SLC1A7: variants seen among roughly 807,000 people sequenced by gnomAD.
SLC1A7 encodes solute carrier family 1 member 7.
A neutral mutation model predicts 47.7 loss-of-function variants in SLC1A7; 40 were observed. That is an observed-to-expected ratio of 0.84 (90% confidence interval 0.65 to 1.09). SLC1A7 has a LOEUF of 1.09. Ranked by LOEUF, SLC1A7 falls within the 50% of genes least tolerant of loss-of-function variation. The pLI, the probability that SLC1A7 is intolerant of heterozygous loss-of-function variation, is 0.00. For synonymous variants in SLC1A7, 323 were observed against 325.6 expected (o/e 0.99, Z 0.09); for missense variants, 746 against 769.5 (o/e 0.97, Z 0.36).
intron 2 of SLC1A7, among the ~76,000 whole-genome samples, chr1:53,127,708 G>A (rs1029611733): frequency 6.6e-6 from 1 of 152,230 alleles, no homozygotes. Flanking sequence ...ACAGTGCTAT[G>A]CTGTGAGCTG....
At chr1:53,095,710 G>C (rs1208738247) in intron 5 of SLC1A7, among the ~76,000 whole-genome samples, 1 of 143,720 alleles carries the variant, frequency 7.0e-6, no homozygotes, top group Non-Finnish European at 1.5e-5. Context: ...CCCTGCCTCG[G>C]TACACACACA....
chr1:53,125,768 C>A (rs745768070), intron 2 of SLC1A7, among the ~76,000 whole-genome samples: 4 of 152,192 alleles, frequency 2.6e-5, no homozygotes, highest in Non-Finnish European at 4.4e-5. Context: ...GCGTGCGGGA[C>A]CTGCGTTCCA....
rs554610153 is a variant in SLC1A7, at chr1:53,118,787, C to G, written c.216-3814G>C. Reference sequence around the variant, plus strand: ...CTGAGACAGGTGGATCACCTGAGGTCAGGAGTTCGAGACCAGCCTGACCAA... The same window carrying G: ...CTGAGACAGGTGGATCACCTGAGGTGAGGAGTTCGAGACCAGCCTGACCAA... On this transcript the variant is annotated intron_variant, in intron 2 of 10. Coordinates refer to ENST00000371494, the MANE Select transcript of SLC1A7 (RefSeq NM_006671.6). Among the ~76,000 whole-genome samples the G allele has an allele frequency of 2.4e-4, 37 of 152,268 alleles. No homozygotes were observed. In the South Asian group the frequency reaches 7.7e-3, roughly 32 times the overall value.
Position 53,136,428 on chromosome 1 carries a change from G to T in SLC1A7, c.136-1999C>A, listed in dbSNP as rs1272547191. 8.1e-5 allele frequency among the ~76,000 whole-genome samples: 12 copies of T among 147,270 alleles called. No homozygotes were observed. In the Admixed American group the frequency reaches 8.2e-4, roughly 10 times the overall value. On this transcript the variant is annotated intron_variant, in intron 1 of 10. Transcript: ENST00000371494. The stretch of plus-strand genomic sequence containing the variant: ...AGGATGGTCTTAATCTCCTGACCTT[G>T]TTGATCCGCCCGCCTCGGCCTCCCA...
chr1:53,096,249 C>G (rs1644488962), intron 5 of SLC1A7, among the ~76,000 whole-genome samples: 1 of 147,012 alleles, frequency 6.8e-6, no homozygotes, highest in Admixed American at 6.8e-5. Flanking sequence ...TTGGTACACT[C>G]AAACCATGCA....
chr1:53,140,128 A>C (rs1427918960), intron 1 of SLC1A7, among the ~76,000 whole-genome samples: 1 of 152,224 alleles, frequency 6.6e-6, no homozygotes, highest in Non-Finnish European at 1.5e-5. Context: ...TCAAAGTAAG[A>C]TGCTGAGAAA....
chr1:53,135,941 C>T (rs572629802), intron 1 of SLC1A7, among the ~76,000 whole-genome samples: 1 of 151,878 alleles, frequency 6.6e-6, no homozygotes, highest in South Asian at 2.1e-4. Flanking sequence ...TTAAAAATCT[C>T]CAAATCATCA....
At chr1:53,112,985 C>T (rs1006751525) in intron 3 of SLC1A7, among the ~76,000 whole-genome samples, 1 of 151,946 alleles carries the variant, frequency 6.6e-6, no homozygotes, top group East Asian at 1.9e-4. Flanking sequence ...CCCACTCCCT[C>T]ACCTCTCACC....
At position 53,093,544 on chromosome 1, in the gene SLC1A7, G is replaced by T; in HGVS notation, c.714C>A (p.Arg238=). The part of the protein sequence containing the change: ...FSATMGIMLG[R]MGDSGAPLVS... ...CCAGGGGGGCCCCGCTGTCACCCAT[G>T]CGGCCCAGCATGATGCCTGCGGGTC... Residue 238 remains arginine (R), a synonymous_variant, in exon 6 of 11, where the codon CGC becomes CGA. Coordinates refer to ENST00000371494, the MANE Select transcript of SLC1A7 (RefSeq NM_006671.6). The T allele has an allele frequency of 1.2e-6, 2 of 1,606,110 alleles. No individual in the cohort carries two copies. The highest frequency in any genetic ancestry group is 1.7e-6 in the Non-Finnish European group (2 of 1,179,208).
chr1:53,136,457 T>C (rs925783253), intron 1 of SLC1A7, among the ~76,000 whole-genome samples: 1 of 147,938 alleles, frequency 6.8e-6, no homozygotes, highest in Non-Finnish European at 1.5e-5. Context: ...CCTCCCAAAG[T>C]GCTTGGATTA....
intron 5 of SLC1A7, among the ~76,000 whole-genome samples, chr1:53,097,765 A>ATGCCCCGC (rs1644515079): frequency 7.7e-6 from 1 of 129,896 alleles, no homozygotes; most frequent in African/African-American, 3.2e-5. Flanking sequence ...GTACACTCAC[A>ATGCCCCGC]CACAGCACCT....
At chr1:53,123,463 G>A (rs1246970660) in intron 2 of SLC1A7, among the ~76,000 whole-genome samples, 1 of 152,248 alleles carries the variant, frequency 6.6e-6, no homozygotes, top group African/African-American at 2.4e-5. Flanking sequence ...GCCCGGTGTT[G>A]AACATTTGCA....
intron 6 of SLC1A7, 50 bp from the exon 7 acceptor site, chr1:53,092,837 C>T (rs752518199): frequency 2.4e-6 from 3 of 1,239,894 alleles, no homozygotes; most frequent in Non-Finnish European, 3.6e-6. Context: ...GCAGACACAC[C>T]CCGGCCCCAG....
intron 7 of SLC1A7, among the ~76,000 whole-genome samples, chr1:53,092,137 T>G (rs546030257): frequency 1.1e-4 from 17 of 152,302 alleles, no homozygotes; most frequent in African/African-American, 3.8e-4. Context: ...ACTGCCAAGG[T>G]TGTGACAGGG....
intron 2 of SLC1A7, among the ~76,000 whole-genome samples, chr1:53,133,167 C>T (rs778730678): frequency 3.9e-5 from 6 of 152,066 alleles, no homozygotes; most frequent in Admixed American, 2.6e-4. Context: ...GTGGAGAGGC[C>T]GTGTGGAAGA....
intron 5 of SLC1A7, among the ~76,000 whole-genome samples, chr1:53,100,503 TCACA>T (rs914332871): frequency 1.3e-5 from 2 of 149,670 alleles, no homozygotes; most frequent in Admixed American, 6.6e-5. Flanking sequence ...CTCGGTACAT[TCACA>T]CACACCACCT....
At chr1:53,131,809 A>G (rs57814160) in intron 2 of SLC1A7, among the ~76,000 whole-genome samples, 22,482 of 152,268 alleles carry the variant, frequency 0.15, 2,201 homozygotes, top group East Asian at 0.31. Context: ...CCCAGTGGAT[A>G]AAGAAACCAG....
chr1:53,111,433 G>A (rs1644700160), intron 3 of SLC1A7, among the ~76,000 whole-genome samples: 1 of 152,210 alleles, frequency 6.6e-6, no homozygotes, highest in African/African-American at 2.4e-5. Context: ...GTTTTGAAAA[G>A]GATGCCTCTG....
intron 10 of SLC1A7, 95 bp from the exon 11 acceptor site, chr1:53,088,322 C>A: frequency 9.8e-7 from 1 of 1,016,790 alleles, no homozygotes; most frequent in Admixed American, 2.6e-5. Flanking sequence ...GAGCTCAGGG[C>A]TAGGAACCAC....
Sources: allele counts gnomAD v4.1 joint callset (sites outside exome capture counted in the v4.1 genomes callset), GRCh38; gene constraint gnomAD v4.1.1; transcripts MANE v1.5; gene names NCBI Gene and HGNC (gene_info 2026-07-23, HGNC 2026-07-21).